DNAJC1: variants seen among roughly 807,000 people sequenced by gnomAD.
DNAJC1 encodes DnaJ heat shock protein family (Hsp40) member C1, also known as dnaJ homolog subfamily C member 1.
DNAJC1 carries 58 observed loss-of-function variants against 76.6 expected under a neutral mutation model. The ratio of observed to expected loss-of-function variants is 0.76; its 90% CI spans 0.61 to 0.94. The LOEUF (loss-of-function observed/expected upper bound fraction) is 0.94. Among genes scored for constraint, DNAJC1 ranks in the 40% least tolerant of loss-of-function variants. The pLI is 0.00. For synonymous variants in DNAJC1, 258 were observed against 267.9 expected (o/e 0.96, Z 0.36); for missense variants, 689 against 677.3 (o/e 1.02, Z -0.19).
chr10:21,905,899 C>T (rs1836736773), intron 6 of DNAJC1, among the ~76,000 whole-genome samples: 1 of 152,040 alleles, frequency 6.6e-6, no homozygotes, highest in Admixed American at 6.6e-5. Context: ...ATCATAGACC[C>T]ATCTGAGAGA....
intron 1 of DNAJC1, among the ~76,000 whole-genome samples, chr10:21,942,038 C>G (rs1837422107): frequency 6.6e-6 from 1 of 151,942 alleles, no homozygotes; most frequent in South Asian, 2.1e-4. Context: ...AAAACAAAAT[C>G]AAGCATTTGT....
At chr10:21,796,692 A>G (rs1408690211) in intron 9 of DNAJC1, among the ~76,000 whole-genome samples, 1 of 152,036 alleles carries the variant, frequency 6.6e-6, no homozygotes, top group Non-Finnish European at 1.5e-5. Context: ...CTATTTCCCT[A>G]ATGATTAGAG....
At chr10:21,832,242 T>C (rs750344705) in intron 8 of DNAJC1, among the ~76,000 whole-genome samples, 1 of 152,222 alleles carries the variant, frequency 6.6e-6, no homozygotes, top group South Asian at 2.1e-4. Flanking sequence ...AATCTTCTCA[T>C]TCTCCTTACT....
intron 9 of DNAJC1, among the ~76,000 whole-genome samples, chr10:21,778,369 T>A (rs533305634): frequency 6.6e-6 from 1 of 152,352 alleles, no homozygotes; most frequent in Non-Finnish European, 1.5e-5. Context: ...ATTGCATTCA[T>A]GATTTCCTTT....
intron 1 of DNAJC1, among the ~76,000 whole-genome samples, chr10:21,967,617 G>C (rs1483898600): frequency 6.6e-6 from 1 of 152,164 alleles, no homozygotes; most frequent in Non-Finnish European, 1.5e-5. Flanking sequence ...TATAGGCTAA[G>C]ACCCTGTAAC....
chr10:21,820,061 G>T (rs1835134612), intron 8 of DNAJC1, among the ~76,000 whole-genome samples: 1 of 152,178 alleles, frequency 6.6e-6, no homozygotes, highest in African/African-American at 2.4e-5. Context: ...ATTCTGAATA[G>T]ATACTTCTTA....
chr10:21,885,869 C>A (rs1021512478), intron 7 of DNAJC1, among the ~76,000 whole-genome samples: 1 of 152,038 alleles, frequency 6.6e-6, no homozygotes, highest in Non-Finnish European at 1.5e-5. Context: ...GCTAAATGCC[C>A]ACATCAAAAA....
intron 7 of DNAJC1, among the ~76,000 whole-genome samples, chr10:21,888,909 CTTAT>C (rs1466165088): frequency 6.6e-6 from 1 of 152,028 alleles, no homozygotes; most frequent in East Asian, 1.9e-4. Context: ...TTTTTTAAAG[CTTAT>C]TTATTTTTCT....
chr10:21,914,554 C>T (rs921367780), intron 6 of DNAJC1, among the ~76,000 whole-genome samples: 12 of 152,094 alleles, frequency 7.9e-5, no homozygotes, highest in African/African-American at 2.9e-4. Context: ...TTTATTCTGT[C>T]TAAATATTCT....
chr10:22,001,334 C>G (rs1216232961), intron 1 of DNAJC1, among the ~76,000 whole-genome samples: 1 of 152,208 alleles, frequency 6.6e-6, no homozygotes, highest in Non-Finnish European at 1.5e-5. Context: ...TGAAAGTCAT[C>G]TAACAAAGTT....
intron 1 of DNAJC1, among the ~76,000 whole-genome samples, chr10:21,978,832 A>G (rs979765727): frequency 1.3e-5 from 2 of 152,236 alleles, no homozygotes; most frequent in Middle Eastern, 3.4e-3. Context: ...TCAGTAAGTG[A>G]TATGTTTATA....
intron 10 of DNAJC1, among the ~76,000 whole-genome samples, chr10:21,765,503 T>G (rs1248299117): frequency 2.0e-5 from 3 of 152,196 alleles, no homozygotes; most frequent in Admixed American, 2.0e-4. Context: ...GCAAAGAATA[T>G]GGAGACTCTA....
rs558118759 is a variant in DNAJC1 at position 21,954,455 on chromosome 10, A to G, written c.223-25314T>C. Among the ~76,000 whole-genome samples the G allele has an allele frequency of 5.3e-5, 8 of 152,336 alleles. No individual in the cohort carries two copies. In the South Asian group the frequency reaches 1.7e-3, roughly 32 times the overall value. On this transcript the variant is annotated intron_variant, in intron 1 of 11. Coordinates refer to ENST00000376980, the MANE Select transcript of DNAJC1 (RefSeq NM_022365.4). ...CTACAGAATCTAGGAGAAAAGGCCAATGAAATAATATCTCAGTCGAAGGGC... is the reference window on the plus strand; with the variant it reads ...CTACAGAATCTAGGAGAAAAGGCCAGTGAAATAATATCTCAGTCGAAGGGC...
intron 9 of DNAJC1, among the ~76,000 whole-genome samples, chr10:21,773,134 C>A (rs994746386): frequency 6.6e-6 from 1 of 152,164 alleles, no homozygotes; most frequent in African/African-American, 2.4e-5. Context: ...AGATCCAAAC[C>A]ATATCACTGC....
chr10:21,805,439 GACACACACACACAC>G (rs10657199), intron 9 of DNAJC1, among the ~76,000 whole-genome samples: 7 of 142,748 alleles, frequency 4.9e-5, no homozygotes, highest in Admixed American at 2.8e-4. Context: ...GTTACGTATG[GACACACACACACAC>G]ACACACACAC....
intron 8 of DNAJC1, among the ~76,000 whole-genome samples, chr10:21,827,219 G>A (rs1280817230): frequency 6.6e-6 from 1 of 152,182 alleles, no homozygotes; most frequent in African/African-American, 2.4e-5. Context: ...CTTGCTTACT[G>A]GAGGTCAGTT....
intron 10 of DNAJC1, among the ~76,000 whole-genome samples, chr10:21,765,152 T>C (rs886145253): frequency 3.3e-5 from 5 of 152,148 alleles, no homozygotes; most frequent in Non-Finnish European, 5.9e-5. Context: ...AATAACTTCA[T>C]TGGCAGAAAA....
chr10:21,804,430 TAGC>T (rs1353550232), intron 9 of DNAJC1, among the ~76,000 whole-genome samples: 3 of 152,052 alleles, frequency 2.0e-5, no homozygotes, highest in Admixed American at 2.0e-4. Context: ...ACTGTATTAA[TAGC>T]AGCTATGTAA....
intron 8 of DNAJC1, among the ~76,000 whole-genome samples, chr10:21,843,370 G>C (rs1388074156): frequency 6.7e-6 from 1 of 149,072 alleles, no homozygotes; most frequent in Non-Finnish European, 1.5e-5. Flanking sequence ...GATTTAATTA[G>C]TACATTTACT....
Sources: allele counts gnomAD v4.1 joint callset (sites outside exome capture counted in the v4.1 genomes callset), GRCh38; gene constraint gnomAD v4.1.1; transcripts MANE v1.5; gene names NCBI Gene and HGNC (gene_info 2026-07-23, HGNC 2026-07-21).